Variants in WDFY4 observed in about 807,000 individuals in gnomAD.
WDFY4 encodes WD repeat- and FYVE domain-containing protein 4.
WDFY4 carries 169 observed loss-of-function variants against 351.9 expected under a neutral mutation model. That is an observed-to-expected ratio of 0.48 (90% confidence interval 0.42 to 0.55). The LOEUF (loss-of-function observed/expected upper bound fraction) is 0.55. Among genes scored for constraint, WDFY4 ranks in the 20% least tolerant of loss-of-function variants. The pLI is 0.00. For synonymous variants in WDFY4, 1,622 were observed against 1,574.6 expected (o/e 1.03, Z -0.71); for missense variants, 3,803 against 3,935.6 (o/e 0.97, Z 0.90).
intron 39 of WDFY4, among the ~76,000 whole-genome samples, chr10:48,835,524 G>A (rs1341037886): frequency 3.9e-5 from 6 of 152,200 alleles, no homozygotes; most frequent in Admixed American, 6.5e-5. Flanking sequence ...AGGCAGCCAC[G>A]GGGAATGTCT....
chr10:48,906,325 A>T (rs1837614741), intron 47 of WDFY4, among the ~76,000 whole-genome samples: 1 of 136,812 alleles, frequency 7.3e-6, no homozygotes, highest in Non-Finnish European at 1.5e-5. Flanking sequence ...AGCTTTTGGT[A>T]CCAGAGTTTG....
chr10:48,917,929 T>C (rs1838700629), intron 47 of WDFY4, among the ~76,000 whole-genome samples: 1 of 152,216 alleles, frequency 6.6e-6, no homozygotes, highest in Admixed American at 6.5e-5. Flanking sequence ...GTAGATGTCA[T>C]ACATAAGACA....
At chr10:48,688,680 AG>A (rs1192334516) in intron 1 of WDFY4, among the ~76,000 whole-genome samples, 1 of 152,212 alleles carries the variant, frequency 6.6e-6, no homozygotes, top group East Asian at 1.9e-4. Context: ...GACCAAAGGA[AG>A]AAGCAAGACT....
chr10:48,705,419 G>A (rs1012989853), intron 1 of WDFY4, among the ~76,000 whole-genome samples: 12 of 152,132 alleles, frequency 7.9e-5, no homozygotes, highest in Non-Finnish European at 1.8e-4. Context: ...CCTAAGCCCC[G>A]ATGGGTCCCT....
rs867472908 is a variant in WDFY4, at chr10:48,875,089, G to A, written c.6949G>A (p.Glu2317Lys). Residue 2317 changes from glutamate (E) to lysine (K), a missense_variant and splice_region_variant, in exon 42 of 62, where the codon GAA becomes AAA. Around this residue, in one of 3 missense-constraint regions of WDFY4, gnomAD observed 3,054 missense variants for 3,148.6 expected, o/e 0.97. Coordinates refer to ENST00000325239, the MANE Select transcript of WDFY4 (RefSeq NM_001394531.1). ...TTTCTTTTCAATGTCCTTATTTCAG[G>A]AAAGCCAAGACAAAAATGATCATAT... The part of the protein sequence containing the change: ...LEALSSGRHK[E>K]SQDKNDHISQ... 2 of 1,483,380 alleles carry A rather than the reference G, an allele frequency of 1.3e-6. No individual in the cohort carries two copies. The highest frequency in any genetic ancestry group is 5.4e-5 in the East Asian group (2 of 37,152). The allele number at this position is 1,483,380 out of a possible 1,614,324, so 91.9% of individuals were successfully genotyped here.
At chr10:48,925,653 A>T (rs1269123293) in intron 47 of WDFY4, among the ~76,000 whole-genome samples, 1 of 152,186 alleles carries the variant, frequency 6.6e-6, no homozygotes, top group Non-Finnish European at 1.5e-5. Context: ...AGGTGCAGAG[A>T]TGATGGTGCA....
At position 48,873,522 on chromosome 10, in the gene WDFY4, A is replaced by G. The variant is rs767729609; in HGVS notation, c.6773A>G (p.Asn2258Ser). 2.6e-6 allele frequency: 4 copies of G among 1,551,400 alleles called. No individual in the cohort carries two copies. Among genetic ancestry groups the G allele is most frequent in the Middle Eastern group, 1.7e-4 (1 of 5,988 alleles). Residue 2258 changes from asparagine (N) to serine (S), a missense_variant, in exon 41 of 62, where the codon AAC (asparagine) becomes AGC (serine). Asn to Ser is a conservative substitution (Grantham distance 46). This residue lies in a region of WDFY4 where 3,054 missense variants were observed against 3,148.6 expected (regional missense o/e 0.97). Transcript: ENST00000325239. Reference protein sequence around the residue: ...RRKCGNIKAANAWARIQEQLF... With the variant: ...RRKCGNIKAASAWARIQEQLF... ...AAATGTGGCAACATCAAGGCAGCCA[A>G]CGCCTGGGCCAGGATCCAGGAGCAG...
intron 19 of WDFY4, among the ~76,000 whole-genome samples, chr10:48,784,439 A>G (rs2066327587): frequency 6.7e-6 from 1 of 149,580 alleles, no homozygotes; most frequent in African/African-American, 2.5e-5. Context: ...GAGGTTGAAC[A>G]TCACCTTTTC....
intron 47 of WDFY4, among the ~76,000 whole-genome samples, chr10:48,905,259 G>A (rs1837557538): frequency 6.6e-6 from 1 of 152,198 alleles, no homozygotes; most frequent in South Asian, 2.1e-4. Flanking sequence ...GCAGGTAGAG[G>A]AGGGGCAGAG....
chr10:48,820,485 G>A, intron 33 of WDFY4, 48 bp downstream of exon 33: 1 of 1,533,008 alleles, frequency 6.5e-7, no homozygotes, highest in Non-Finnish European at 8.8e-7. Context: ...GAGGCTGCCG[G>A]CATACCGGCA....
intron 46 of WDFY4, among the ~76,000 whole-genome samples, chr10:48,901,224 C>T (rs1236208171): frequency 2.0e-5 from 3 of 152,258 alleles, no homozygotes; most frequent in Admixed American, 2.0e-4. Flanking sequence ...TTCCATGCTG[C>T]TGCTAGATTG....
intron 57 of WDFY4, 139 bp downstream of exon 57, chr10:48,970,428 C>A: frequency 8.2e-7 from 1 of 1,220,504 alleles, no homozygotes; most frequent in Non-Finnish European, 1.1e-6. Context: ...GGCCCTGCCA[C>A]CCTCAGAAGC....
chr10:48,924,624 T>C (rs2889691), intron 47 of WDFY4, among the ~76,000 whole-genome samples: 2 of 152,106 alleles, frequency 1.3e-5, no homozygotes, highest in Non-Finnish European at 2.9e-5. Flanking sequence ...TTGTACAATT[T>C]TTTTTTATAC....
At chr10:48,825,508 A>G (rs11101527) in intron 35 of WDFY4, among the ~76,000 whole-genome samples, 29,238 of 152,144 alleles carry the variant, frequency 0.19, 3,777 homozygotes, top group African/African-American at 0.37. Flanking sequence ...TGGTGTTTCT[A>G]GTTCTAGATC....
intron 11 of WDFY4, 83 bp downstream of exon 11, chr10:48,736,153 T>C (rs2064657656): frequency 2.0e-6 from 3 of 1,495,060 alleles, no homozygotes; most frequent in Non-Finnish European, 2.7e-6. Context: ...TTTGTATTCA[T>C]GTAATTCAGT....
intron 9 of WDFY4, among the ~76,000 whole-genome samples, chr10:48,733,544 G>C (rs995053362): frequency 6.6e-6 from 1 of 152,206 alleles, no homozygotes; most frequent in Non-Finnish European, 1.5e-5. Context: ...AATTAAGAAG[G>C]CAGGGCTCTG....
At chr10:48,771,549 AT>A (rs1474818890) in intron 13 of WDFY4, among the ~76,000 whole-genome samples, 3 of 152,204 alleles carry the variant, frequency 2.0e-5, no homozygotes, top group African/African-American at 7.2e-5. Context: ...AAATATTCTC[AT>A]CCCAGGATAA....
chr10:48,973,134 G>A (rs756785481), intron 57 of WDFY4, among the ~76,000 whole-genome samples: 5 of 152,180 alleles, frequency 3.3e-5, no homozygotes, highest in Admixed American at 6.5e-5. Context: ...TAAACAACAC[G>A]TGCCGGCACT....
intron 13 of WDFY4, among the ~76,000 whole-genome samples, chr10:48,773,922 C>A (rs2065945941): frequency 1.3e-5 from 2 of 152,182 alleles, no homozygotes; most frequent in Non-Finnish European, 2.9e-5. Context: ...AACACAGGAA[C>A]TGTTAGGGGA....
Sources: gnomAD v4.1 joint callset for allele counts (sites outside exome capture counted in the v4.1 genomes callset) on GRCh38, gnomAD v4.1.1 for gene constraint, gnomAD v4.1.1 regional missense constraint, MANE v1.5 for transcripts, NCBI Gene and HGNC (gene_info 2026-07-23, HGNC 2026-07-21) for gene names.